TMEM132E: variants seen among roughly 807,000 people sequenced by gnomAD.
TMEM132E encodes the protein transmembrane protein 132E.
A neutral mutation model predicts 78.5 loss-of-function variants in TMEM132E; 49 were observed. The observed-to-expected ratio is 0.62, with a 90% confidence interval of 0.50 to 0.79. TMEM132E has a LOEUF of 0.79. TMEM132E is among the 30% of genes least tolerant of loss of function. TMEM132E has a pLI of 0.00. For missense variants in TMEM132E, 1,403 were observed against 1,470.9 expected (o/e 0.95, Z 0.75); for synonymous variants, 715 against 670.6 (o/e 1.07, Z -1.02).
chr17:34,636,149 C>G lies in TMEM132E; in HGVS notation c.2120C>G (p.Thr707Ser), dbSNP rs1420425979. The change falls in exon 8 of 9, where the codon ACC becomes AGC. Residue 707 changes from threonine to serine, a missense_variant. Coordinates refer to ENST00000631683, the MANE Select transcript of TMEM132E (RefSeq NM_001304438.2). ...CGGCCCAGCCCTGGGAGCAGCCACA[C>G]CATCCTAGCCACCACAGCTGCCCAA... Reference protein sequence around the residue: ...SLRPSPGSSHTILATTAAQQT... With the variant: ...SLRPSPGSSHSILATTAAQQT... 6.4e-7 allele frequency: 1 copy of G among 1,570,596 alleles called. No homozygotes were observed. Among genetic ancestry groups the G allele is most frequent in the Admixed American group, 1.9e-5 (1 of 51,950 alleles).
At chr17:34,592,594 C>T (rs1334942826) in intron 1 of TMEM132E, among the ~76,000 whole-genome samples, 1 of 152,196 alleles carries the variant, frequency 6.6e-6, no homozygotes, top group Non-Finnish European at 1.5e-5. Flanking sequence ...GGCCAGGTAA[C>T]CATACGCATA....
At chr17:34,612,868 G>C (rs749847369) in intron 1 of TMEM132E, among the ~76,000 whole-genome samples, 7 of 152,094 alleles carry the variant, frequency 4.6e-5, no homozygotes, top group Admixed American at 1.3e-4. Context: ...CGTCACTGGG[G>C]GGGGCAGTGG....
At chr17:34,629,922 G>T in intron 4 of TMEM132E, 86 bp from the exon 5 acceptor site, 2 of 1,421,784 alleles carry the variant, frequency 1.4e-6, no homozygotes, top group Non-Finnish European at 1.9e-6. Flanking sequence ...AGTGGGGGGG[G>T]AGCGTCCAGG....
chr17:34,620,216 C>T (rs115947997), intron 1 of TMEM132E, among the ~76,000 whole-genome samples: 2,700 of 152,278 alleles, frequency 0.018, 84 homozygotes, highest in African/African-American at 0.061. Context: ...GCAGAGGGCC[C>T]CTGCTGTGCT....
intron 5 of TMEM132E, among the ~76,000 whole-genome samples, chr17:34,630,495 G>C (rs1907318079): frequency 6.6e-6 from 1 of 152,160 alleles, no homozygotes; most frequent in South Asian, 2.1e-4. Flanking sequence ...CAGAGGGGGA[G>C]AAAGCAGTGT....
chr17:34,613,219 G>A (rs1178163475), intron 1 of TMEM132E, among the ~76,000 whole-genome samples: 7 of 141,460 alleles, frequency 4.9e-5, no homozygotes, highest in South Asian at 4.4e-4. Flanking sequence ...ACACGCGCGC[G>A]CGCGCGCGTT....
At chr17:34,608,515 G>T (rs988957161) in intron 1 of TMEM132E, among the ~76,000 whole-genome samples, 1 of 152,186 alleles carries the variant, frequency 6.6e-6, no homozygotes, top group Admixed American at 6.5e-5. Context: ...CGTTATTATT[G>T]TTCATTATGC....
intron 1 of TMEM132E, among the ~76,000 whole-genome samples, chr17:34,623,412 C>CAT (rs1220242757): frequency 4.1e-5 from 6 of 147,296 alleles, no homozygotes; most frequent in African/African-American, 1.0e-4. Context: ...CCCCCCCCCC[C>CAT]CCCCGTCCCT....
Position 34,587,245 on chromosome 17 carries a change from C to T in TMEM132E, c.67+6102C>T, listed in dbSNP as rs530489910. On this transcript the variant is annotated intron_variant, in intron 1 of 8. Transcript: ENST00000631683. ...GAGAGAACAGGCAGCTAGGATACCC[C>T]ACCTTACTCCTAAACCCCTCCCCAG... is the stretch of plus-strand genomic sequence containing the variant. Among the ~76,000 whole-genome samples, 5 of 152,264 alleles carry T rather than the reference C, an allele frequency of 3.3e-5. No homozygotes were observed. In the South Asian group the frequency reaches 1.0e-3, roughly 32 times the overall value.
intron 1 of TMEM132E, among the ~76,000 whole-genome samples, chr17:34,613,201 A>C (rs1209941343): frequency 6.1e-5 from 7 of 114,324 alleles, no homozygotes; most frequent in African/African-American, 1.8e-4. Flanking sequence ...ACACACCCAC[A>C]CACACACACA....
intron 2 of TMEM132E, among the ~76,000 whole-genome samples, chr17:34,627,816 T>C (rs573753284): frequency 6.6e-6 from 1 of 152,232 alleles, no homozygotes; most frequent in Admixed American, 6.5e-5. Context: ...TACCTTCAAG[T>C]TTAAATGCTG....
At position 34,637,870 on chromosome 17, in the gene TMEM132E, G is replaced by A. The variant is rs150934371; in HGVS notation, c.2863G>A (p.Gly955Ser). 27 of 1,608,830 alleles carry A rather than the reference G, an allele frequency of 1.7e-5. No individual in the cohort carries two copies. In the African/African-American group the frequency reaches 3.6e-4, roughly 21 times the overall value. Residue 955 changes from glycine to serine, a missense_variant, in exon 9 of 9, where the codon GGC (glycine) becomes AGC (serine). Transcript: ENST00000631683. Reference sequence around the variant, plus strand: ...GCAAGGAGAGCTGTCGCCGCCAGCAGGCAACCCGCTGGAAACCGTGCCCGC... The same window carrying A: ...GCAAGGAGAGCTGTCGCCGCCAGCAAGCAACCCGCTGGAAACCGTGCCCGC... ...RVQGELSPPAGNPLETVPAFC... is the reference protein window; with the variant it reads ...RVQGELSPPASNPLETVPAFC...
At chr17:34,617,324 G>A (rs1472774782) in intron 1 of TMEM132E, among the ~76,000 whole-genome samples, 2 of 152,186 alleles carry the variant, frequency 1.3e-5, no homozygotes, top group African/African-American at 2.4e-5. Flanking sequence ...TTCCAGCCTC[G>A]GTGCCTCTTT....
At chr17:34,609,547 C>T in intron 1 of TMEM132E, among the ~76,000 whole-genome samples, 1 of 152,142 alleles carries the variant, frequency 6.6e-6, no homozygotes, top group Non-Finnish European at 1.5e-5. Context: ...CATGGAACGG[C>T]AGCTCTGTCT....
Position 34,629,217 on chromosome 17 carries a change from G to A in TMEM132E, c.1338+13G>A, listed in dbSNP as rs201265582. 9 of 1,613,118 alleles carry A rather than the reference G, an allele frequency of 5.6e-6. No homozygotes were observed. Among genetic ancestry groups the A allele is most frequent in the Admixed American group, 1.7e-5 (1 of 59,914 alleles). The stretch of plus-strand genomic sequence containing the variant: ...GCCCCTGGCCATGGTGAGCAGGCAG[G>A]TGACCAGCCCAGAAGATGCCTGGGT... On this transcript the variant is annotated intron_variant, in intron 4 of 8. Transcript: ENST00000631683.
In TMEM132E at chr17:34,581,030, G is replaced by T. The variant is rs771938200; in HGVS notation, c.-47G>T. The T allele has an allele frequency of 8.0e-6, 12 of 1,494,732 alleles. No individual in the cohort carries two copies. The highest frequency in any genetic ancestry group is 3.5e-4 in the Middle Eastern group (2 of 5,742). 92.6% of individuals were successfully genotyped at this position (1,494,732 alleles called of 1,614,324 possible). A position where few individuals can be genotyped will look rare whatever the true frequency, so the allele number is the denominator to read the frequency against. On this transcript the variant is annotated 5_prime_UTR_variant, in exon 1 of 9. Coordinates refer to ENST00000631683, the MANE Select transcript of TMEM132E (RefSeq NM_001304438.2). ...ACCAAGCCCAGCCTGGGGCCAAGTCGTCGTCGACTGTTGCTCTCTCGGACC... is the reference window on the plus strand; with the variant it reads ...ACCAAGCCCAGCCTGGGGCCAAGTCTTCGTCGACTGTTGCTCTCTCGGACC...
At chr17:34,621,296 G>A (rs529317664) in intron 1 of TMEM132E, among the ~76,000 whole-genome samples, 35 of 152,290 alleles carry the variant, frequency 2.3e-4, no homozygotes, top group African/African-American at 7.9e-4. Context: ...TTGATTTCTG[G>A]TGAGGGTTGT....
intron 1 of TMEM132E, among the ~76,000 whole-genome samples, chr17:34,601,162 A>AT (rs1906226040): frequency 6.6e-6 from 1 of 152,230 alleles, no homozygotes; most frequent in Non-Finnish European, 1.5e-5. Context: ...AACACCCTCC[A>AT]TGCCAGCATT....
In TMEM132E at chr17:34,635,063, G is replaced by A. The variant is rs139247454; in HGVS notation, c.1953G>A (p.Leu651=). 8.1e-6 allele frequency: 13 copies of A among 1,613,434 alleles called. No individual in the cohort carries two copies. The Admixed American group carries it at 1.2e-4, about 14-fold the overall frequency. ...TGGACAGCAGCACGCTGGCAGGACT[G>A]GAGCCAGGCACCACCCCCTTTAAGG... ...HMVDSSTLAG[L]EPGTTPFKVV... is the part of the protein sequence containing the mutation. Residue 651 remains leucine (L), a synonymous_variant, in exon 7 of 9, where the codon CTG becomes CTA. Coordinates refer to ENST00000631683, the MANE Select transcript of TMEM132E (RefSeq NM_001304438.2).
Sources: gnomAD v4.1 joint callset for allele counts (sites outside exome capture counted in the v4.1 genomes callset) on GRCh38, gnomAD v4.1.1 for gene constraint, MANE v1.5 for transcripts, NCBI Gene and HGNC (gene_info 2026-07-23, HGNC 2026-07-21) for gene names.